Variants in TBL1XR1 observed in about 807,000 individuals in gnomAD.
The protein encoded by TBL1XR1 is TBL1X/Y related 1, also known as F-box-like/WD repeat-containing protein TBL1XR1.
In TBL1XR1, 5 loss-of-function variants were observed where a neutral mutation model predicts 66.9. That is an observed-to-expected ratio of 0.07 (90% CI 0.04 to 0.16). TBL1XR1 has a LOEUF of 0.16. Among genes scored for constraint, TBL1XR1 ranks in the 10% least tolerant of loss-of-function variants. TBL1XR1 has a pLI of 1.00. For missense variants in TBL1XR1, 238 were observed against 623.2 expected (o/e 0.38, Z 6.58); for synonymous variants, 210 against 206.0 (o/e 1.02, Z -0.17).
intron 1 of TBL1XR1, among the ~76,000 whole-genome samples, chr3:177,128,803 T>A (rs1727953578): frequency 1.3e-5 from 2 of 152,258 alleles, no homozygotes; most frequent in Admixed American, 1.3e-4. Flanking sequence ...TTGAATGTCA[T>A]GAAATATCTC....
At chr3:177,113,749 C>G (rs901475835) in intron 1 of TBL1XR1, among the ~76,000 whole-genome samples, 12 of 152,052 alleles carry the variant, frequency 7.9e-5, no homozygotes, top group African/African-American at 2.7e-4. Context: ...CAAATATCAA[C>G]GGGTTTATGA....
intron 1 of TBL1XR1, among the ~76,000 whole-genome samples, chr3:177,166,489 G>A (rs1732838590): frequency 6.6e-6 from 1 of 152,120 alleles, no homozygotes; most frequent in Non-Finnish European, 1.5e-5. Flanking sequence ...GGCCTCATGG[G>A]AGGTGAATGG....
At chr3:177,067,403 A>G (rs1290476340) in intron 2 of TBL1XR1, among the ~76,000 whole-genome samples, 6 of 152,188 alleles carry the variant, frequency 3.9e-5, no homozygotes, top group Admixed American at 1.3e-4. Context: ...AAAGTATCCA[A>G]CCTGCAAAGG....
chr3:177,133,239 A>G (rs1728510438), intron 1 of TBL1XR1, among the ~76,000 whole-genome samples: 1 of 152,164 alleles, frequency 6.6e-6, no homozygotes, highest in South Asian at 2.1e-4. Flanking sequence ...GTGAGCTAAG[A>G]TTGCGCCACT....
intron 2 of TBL1XR1, among the ~76,000 whole-genome samples, chr3:177,071,665 C>T (rs1219337098): frequency 6.6e-6 from 1 of 152,136 alleles, no homozygotes. Flanking sequence ...TCGCTCAAAT[C>T]GAGTGAAGAC....
intron 1 of TBL1XR1, among the ~76,000 whole-genome samples, chr3:177,137,250 T>C (rs116770657): frequency 0.019 from 2,862 of 152,312 alleles, 91 homozygotes; most frequent in African/African-American, 0.065. Flanking sequence ...CCCAGCACTT[T>C]GGGAGGCCAA....
rs532329368 is a variant in TBL1XR1, at chr3:177,186,738, GTACT to G, written c.-122+10379_-122+10382del. 1.2e-3 allele frequency among the ~76,000 whole-genome samples: 176 copies of G among 152,154 alleles called. 2 individuals are homozygous for G. Among genetic ancestry groups the G allele is most frequent in the African/African-American group, 4.0e-3 (165 of 41,500 alleles). On this transcript the variant is annotated intron_variant, in intron 1 of 15. Coordinates refer to ENST00000457928, the MANE Select transcript of TBL1XR1 (RefSeq NM_024665.7). ...CTCTATGAAAGGCTGTAGATTTTTA[GTACT>G]TAAATACTCTAAAAAAAATTTCCAT...
chr3:177,152,119 TA>T (rs1302661266), intron 1 of TBL1XR1, among the ~76,000 whole-genome samples: 1 of 152,230 alleles, frequency 6.6e-6, no homozygotes, highest in Non-Finnish European at 1.5e-5. Flanking sequence ...TAACTATGAT[TA>T]TAGCAAATTA....
chr3:177,173,681 A>T (rs756620669), intron 1 of TBL1XR1, among the ~76,000 whole-genome samples: 23 of 152,176 alleles, frequency 1.5e-4, no homozygotes, highest in Non-Finnish European at 3.1e-4. Context: ...AAAAAAAGAC[A>T]TTCGTGGAAA....
At chr3:177,177,913 CA>C (rs1407642352) in intron 1 of TBL1XR1, among the ~76,000 whole-genome samples, 4 of 151,882 alleles carry the variant, frequency 2.6e-5, no homozygotes, top group Non-Finnish European at 5.9e-5. Flanking sequence ...TTCAGAGAGA[CA>C]AAACTGCAAC....
intron 3 of TBL1XR1, among the ~76,000 whole-genome samples, chr3:177,064,436 T>A (rs570782900): frequency 4.0e-4 from 61 of 152,318 alleles, no homozygotes; most frequent in South Asian, 8.3e-4. Flanking sequence ...CTTTCAATGA[T>A]TTCTATTTAT....
intron 1 of TBL1XR1, among the ~76,000 whole-genome samples, chr3:177,124,019 C>T (rs1577236603): frequency 6.6e-6 from 1 of 152,136 alleles, no homozygotes; most frequent in East Asian, 1.9e-4. Context: ...TCTCAACAGT[C>T]ACTGTTGCTA....
intron 1 of TBL1XR1, among the ~76,000 whole-genome samples, chr3:177,124,555 C>T (rs1577238061): frequency 6.6e-6 from 1 of 152,218 alleles, no homozygotes; most frequent in Non-Finnish European, 1.5e-5. Context: ...AACTCCTCAG[C>T]TTTAAATGAA....
chr3:177,171,779 G>C (rs571254018), intron 1 of TBL1XR1, among the ~76,000 whole-genome samples: 22 of 150,530 alleles, frequency 1.5e-4, no homozygotes, highest in African/African-American at 4.6e-4. Context: ...AGAAATGGCT[G>C]ACTCTAGGGC....
rs965920089 is a variant in TBL1XR1, at chr3:177,180,443, T to A, written c.-122+16678A>T. Among the ~76,000 whole-genome samples, 3 of 149,138 alleles carry A rather than the reference T, an allele frequency of 2.0e-5. No homozygotes were observed. The Admixed American group carries it at 2.0e-4, about 10-fold the overall frequency. On this transcript the variant is annotated intron_variant, in intron 1 of 15. Coordinates refer to ENST00000457928, the MANE Select transcript of TBL1XR1 (RefSeq NM_024665.7). The stretch of plus-strand genomic sequence containing the variant: ...CAGAGGAAAACAAAAATGTTACTCA[T>A]TTAAATATTACTCTCCTTGGAGTTT...
At chr3:177,192,831 A>G (rs1736334696) in intron 1 of TBL1XR1, among the ~76,000 whole-genome samples, 1 of 152,174 alleles carries the variant, frequency 6.6e-6, no homozygotes, top group Admixed American at 6.5e-5. Flanking sequence ...ATGAAAGTTG[A>G]CTGTCCCCTT....
chr3:177,146,589 C>CAAAAAAAAAA lies in TBL1XR1; in HGVS notation c.-121-48058_-121-48049dup, dbSNP rs78065426. On this transcript the variant is annotated intron_variant, in intron 1 of 15. Coordinates refer to ENST00000457928, the MANE Select transcript of TBL1XR1 (RefSeq NM_024665.7). ...TGGGCAGCTGAGCGAGACTCCATCTCAAAAAAAAAAAAAAAAAAGTTGTAT... is the reference window on the plus strand; with the variant it reads ...TGGGCAGCTGAGCGAGACTCCATCTCAAAAAAAAAAAAAAAAAAAAAAAAAAAAGTTGTAT... Among the ~76,000 whole-genome samples the CAAAAAAAAAA allele has an allele frequency of 6.7e-4, 35 of 51,958 alleles. 5 individuals carry two copies. The highest frequency in any genetic ancestry group is 2.1e-3 in the Admixed American group (8 of 3,802). 34.1% of individuals were successfully genotyped at this position (51,958 alleles called of 152,430 possible).
Position 177,169,150 on chromosome 3 carries a change from T to C in TBL1XR1, c.-122+27971A>G, listed in dbSNP as rs80076128. Among the ~76,000 whole-genome samples the C allele has an allele frequency of 2.0e-3, 312 of 152,342 alleles. 10 individuals are homozygous for C. In the East Asian group the frequency reaches 0.048, roughly 23 times the overall value. The stretch of plus-strand genomic sequence containing the variant: ...TTTCTTAATGTTGTTCATTAATCAA[T>C]AGCGATAAAGTGGGAATTTATCACT... On this transcript the variant is annotated intron_variant, in intron 1 of 15. Coordinates refer to ENST00000457928, the MANE Select transcript of TBL1XR1 (RefSeq NM_024665.7).
chr3:177,175,260 A>C (rs1734022784), intron 1 of TBL1XR1, among the ~76,000 whole-genome samples: 1 of 152,206 alleles, frequency 6.6e-6, no homozygotes, highest in African/African-American at 2.4e-5. Context: ...TAGCTGCTGA[A>C]GAATTGGCTT....
Sources: allele counts gnomAD v4.1 joint callset (sites outside exome capture counted in the v4.1 genomes callset), GRCh38; gene constraint gnomAD v4.1.1; transcripts MANE v1.5; gene names NCBI Gene and HGNC (gene_info 2026-07-23, HGNC 2026-07-21).